UNC79: variants seen among roughly 807,000 people sequenced by gnomAD.
The protein encoded by UNC79 is unc-79 subunit of NALCN channel complex.
UNC79 carries 37 observed loss-of-function variants against 283.1 expected under a neutral mutation model. The observed-to-expected ratio is 0.13, with a 90% CI of 0.10 to 0.17. The LOEUF (loss-of-function observed/expected upper bound fraction) is 0.17. Ranked by LOEUF, UNC79 falls within the 10% of genes least tolerant of loss-of-function variation. The probability of loss-of-function intolerance (pLI) is 1.00; values close to 1 mark genes in which losing one functional copy is unlikely to be tolerated. For missense variants in UNC79, 2,272 were observed against 3,211.1 expected (o/e 0.71, Z 7.07); for synonymous variants, 1,107 against 1,200.2 (o/e 0.92, Z 1.61).
intron 1 of UNC79, among the ~76,000 whole-genome samples, chr14:93,461,986 A>AAAAG: frequency 6.6e-6 from 1 of 151,776 alleles, no homozygotes; most frequent in African/African-American, 2.4e-5. Flanking sequence ...GAAAGAAAAG[A>AAAAG]AACACAAAAA....
intron 14 of UNC79, among the ~76,000 whole-genome samples, chr14:93,550,620 C>T (rs1379589022): frequency 5.3e-5 from 8 of 151,524 alleles, no homozygotes; most frequent in African/African-American, 1.7e-4. Context: ...AAAGGCTAAT[C>T]TGTAATTAGA....
intron 4 of UNC79, among the ~76,000 whole-genome samples, 163 bp downstream of exon 4, chr14:93,477,891 G>GA (rs2057895251): frequency 6.6e-6 from 1 of 152,140 alleles, no homozygotes; most frequent in Admixed American, 6.5e-5. Context: ...ATATTATGGC[G>GA]AAAGTCAAAG....
At chr14:93,467,589 C>T (rs1284137340) in intron 1 of UNC79, 82 bp from the exon 2 acceptor site, 8 of 1,203,576 alleles carry the variant, frequency 6.6e-6, no homozygotes, top group Non-Finnish European at 8.2e-6. Flanking sequence ...ATGCCTAATA[C>T]ATATTACAAG....
rs2068481893 is a variant in UNC79, at chr14:93,636,062, C to T, written c.5717-1154C>T. Among the ~76,000 whole-genome samples the T allele has an allele frequency of 2.0e-5, 3 of 152,314 alleles. No individual in the cohort carries two copies. In the South Asian group the frequency reaches 6.2e-4, roughly 32 times the overall value. ...AGGTAGCTCAGCCTAAGCTAACCAA[C>T]CAGTTTAGATTCCGACTACAATGAC... On this transcript the variant is annotated intron_variant, in intron 31 of 48. Transcript: ENST00000555664.
At chr14:93,683,815 C>T (rs1178479219) in intron 42 of UNC79, among the ~76,000 whole-genome samples, 2 of 150,516 alleles carry the variant, frequency 1.3e-5, no homozygotes, top group African/African-American at 2.5e-5. Flanking sequence ...AAATTAAAAT[C>T]GGCTAGCCAA....
At chr14:93,395,896 G>A (rs1308316008) in intron 1 of UNC79, among the ~76,000 whole-genome samples, 1 of 151,766 alleles carries the variant, frequency 6.6e-6, no homozygotes. Flanking sequence ...TATTCTACTT[G>A]GAGTTTGAGG....
At chr14:93,383,155 T>G (rs933154804) in intron 1 of UNC79, among the ~76,000 whole-genome samples, 1 of 152,198 alleles carries the variant, frequency 6.6e-6, no homozygotes, top group African/African-American at 2.4e-5. Flanking sequence ...GGGACCGTTT[T>G]GGGTCTTTCT....
chr14:93,343,296 T>C (rs1314578406), intron 1 of UNC79, among the ~76,000 whole-genome samples: 1 of 152,224 alleles, frequency 6.6e-6, no homozygotes, highest in African/African-American at 2.4e-5. Flanking sequence ...CTTACAATCA[T>C]GGTAGAAGGC....
intron 22 of UNC79, among the ~76,000 whole-genome samples, chr14:93,591,808 C>T (rs1296624179): frequency 1.3e-5 from 2 of 152,174 alleles, no homozygotes; most frequent in East Asian, 1.9e-4. Context: ...GAAAAAGACG[C>T]GAGAACTGCG....
intron 35 of UNC79, among the ~76,000 whole-genome samples, chr14:93,651,912 A>ATTTTT (rs71129653): frequency 2.1e-5 from 1 of 46,602 alleles, no homozygotes; most frequent in Non-Finnish European, 4.1e-5. Flanking sequence ...CTAATTTTGT[A>ATTTTT]TTTTTTTTTT....
intron 1 of UNC79, among the ~76,000 whole-genome samples, chr14:93,447,680 C>G (rs1331711090): frequency 6.6e-6 from 1 of 151,680 alleles, no homozygotes; most frequent in Admixed American, 6.6e-5. Flanking sequence ...TACTTGTGAC[C>G]AAATGTTTTA....
chr14:93,378,806 A>G (rs2054610716), intron 1 of UNC79, among the ~76,000 whole-genome samples: 1 of 152,226 alleles, frequency 6.6e-6, no homozygotes, highest in Non-Finnish European at 1.5e-5. Flanking sequence ...AGCATATGCT[A>G]CTTATGAAAT....
rs752559341 is a variant in UNC79, at chr14:93,541,549, A to G, written c.1524+718A>G. ...ATTGGCATTTAATTGTTGATTTCACATATCTTGCTTCCTAGAAGTTAGTAT... is the reference window on the plus strand; with the variant it reads ...ATTGGCATTTAATTGTTGATTTCACGTATCTTGCTTCCTAGAAGTTAGTAT... On this transcript the variant is annotated intron_variant, in intron 13 of 48. Transcript: ENST00000555664. Among the ~76,000 whole-genome samples, 3 of 152,330 alleles carry G rather than the reference A, an allele frequency of 2.0e-5. No individual in the cohort carries two copies. In the East Asian group the frequency reaches 5.8e-4, roughly 29 times the overall value.
chr14:93,619,387 T>G (rs753558934), intron 29 of UNC79, among the ~76,000 whole-genome samples: 2 of 152,212 alleles, frequency 1.3e-5, no homozygotes, highest in Admixed American at 1.3e-4. Flanking sequence ...TCTTGTGGTC[T>G]TTCAGTCTTG....
At chr14:93,397,483 T>C (rs2055021827) in intron 1 of UNC79, among the ~76,000 whole-genome samples, 1 of 152,226 alleles carries the variant, frequency 6.6e-6, no homozygotes, top group Non-Finnish European at 1.5e-5. Flanking sequence ...TAATTTTCAC[T>C]GCAAATGCAG....
At position 93,596,846 on chromosome 14, in the gene UNC79, G is replaced by C. The variant is rs2065120018; in HGVS notation, c.3191-513G>C. On this transcript the variant is annotated intron_variant, in intron 23 of 48. Transcript: ENST00000555664. Reference sequence around the variant, plus strand: ...TCTATCAAGTAAGCGTATATTTATAGCATGGAAGAAATACCTGGCTTCGAT... The same window carrying C: ...TCTATCAAGTAAGCGTATATTTATACCATGGAAGAAATACCTGGCTTCGAT... Among the ~76,000 whole-genome samples, 3 of 152,294 alleles carry C rather than the reference G, an allele frequency of 2.0e-5. No individual in the cohort carries two copies. In the South Asian group the frequency reaches 6.2e-4, roughly 32 times the overall value.
At chr14:93,407,059 C>A (rs2055241818) in intron 1 of UNC79, among the ~76,000 whole-genome samples, 2 of 152,094 alleles carry the variant, frequency 1.3e-5, no homozygotes, top group Admixed American at 6.5e-5. Flanking sequence ...TTTTTGCCTT[C>A]ATCTTTCCAT....
chr14:93,604,829 G>A, intron 26 of UNC79, 67 bp from the exon 27 acceptor site: 2 of 1,455,934 alleles, frequency 1.4e-6, no homozygotes, highest in Non-Finnish European at 1.8e-6. Context: ...AGTTAGCACT[G>A]AGTATATTTT....
chr14:93,485,224 G>GTA (rs1338601440), intron 4 of UNC79, among the ~76,000 whole-genome samples: 1 of 137,550 alleles, frequency 7.3e-6, no homozygotes, highest in African/African-American at 2.6e-5. Flanking sequence ...ATATATATAT[G>GTA]TATATATATA....
Sources: allele counts gnomAD v4.1 joint callset (sites outside exome capture counted in the v4.1 genomes callset), GRCh38; gene constraint gnomAD v4.1.1; transcripts MANE v1.5; gene names NCBI Gene and HGNC (gene_info 2026-07-23, HGNC 2026-07-21).